Variants in NOS1AP observed in about 807,000 individuals in gnomAD.
NOS1AP encodes the protein nitric oxide synthase 1 adaptor protein.
Under a neutral mutation model 56.2 loss-of-function variants are expected in NOS1AP, and 21 were observed. The observed-to-expected ratio is 0.37, with a 90% confidence interval of 0.26 to 0.54. The LOEUF (loss-of-function observed/expected upper bound fraction) is 0.54. Ranked by LOEUF, NOS1AP falls within the 20% of genes least tolerant of loss-of-function variation. The probability of loss-of-function intolerance (pLI) is 0.84; values close to 1 mark genes in which losing one functional copy is unlikely to be tolerated. For synonymous variants in NOS1AP, 270 were observed against 274.6 expected (o/e 0.98, Z 0.17); for missense variants, 522 against 657.8 (o/e 0.79, Z 2.26).
At chr1:162,280,517 T>C (rs1654889155) in intron 2 of NOS1AP, among the ~76,000 whole-genome samples, 1 of 152,232 alleles carries the variant, frequency 6.6e-6, no homozygotes, top group Admixed American at 6.5e-5. Context: ...CTTTTGGCCG[T>C]ACTTCTGATC....
intron 1 of NOS1AP, among the ~76,000 whole-genome samples, chr1:162,139,922 G>A (rs1282788818): frequency 6.6e-6 from 1 of 151,936 alleles, no homozygotes; most frequent in Non-Finnish European, 1.5e-5. Context: ...CTGCCTCCCT[G>A]GTTCAAGTGA....
intron 3 of NOS1AP, among the ~76,000 whole-genome samples, chr1:162,288,942 A>AGTATT (rs1655173247): frequency 1.3e-5 from 2 of 152,166 alleles, no homozygotes; most frequent in African/African-American, 4.8e-5. Context: ...CAGTCTTTAG[A>AGTATT]GTATTGTCCT....
chr1:162,169,837 T>C (rs1650678107), intron 2 of NOS1AP, among the ~76,000 whole-genome samples: 1 of 152,206 alleles, frequency 6.6e-6, no homozygotes, highest in African/African-American at 2.4e-5. Context: ...TTCCTATGAT[T>C]GCCATGCAGA....
chr1:162,082,348 A>G (rs1691914558), intron 1 of NOS1AP, among the ~76,000 whole-genome samples: 1 of 152,218 alleles, frequency 6.6e-6, no homozygotes, highest in Non-Finnish European at 1.5e-5. Flanking sequence ...ATTGATAGGC[A>G]TGTAGGATGG....
In NOS1AP at chr1:162,324,416, C is replaced by CTTTTTTTTTTTTTTTTTTTT. The variant is rs35946766; in HGVS notation, c.345-8592_345-8573dup. Reference sequence around the variant, plus strand: ...TAGTGGTTTTGTGAGGGACACTAGCCTTTTTTTTTTTTTTTTTTTTTTTTT... The same window carrying CTTTTTTTTTTTTTTTTTTTT: ...TAGTGGTTTTGTGAGGGACACTAGCCTTTTTTTTTTTTTTTTTTTTTTTTTTTTTTTTTTTTTTTTTTTTT... On this transcript the variant is annotated intron_variant, in intron 4 of 9. Coordinates refer to ENST00000361897, the MANE Select transcript of NOS1AP (RefSeq NM_014697.3). Among the ~76,000 whole-genome samples, 3 of 72,148 alleles carry CTTTTTTTTTTTTTTTTTTTT rather than the reference C, an allele frequency of 4.2e-5. 1 individual carries two copies. Among genetic ancestry groups the CTTTTTTTTTTTTTTTTTTTT allele is most frequent in the African/African-American group, 1.5e-4 (3 of 20,250 alleles). 47.3% of individuals were successfully genotyped at this position (72,148 alleles called of 152,430 possible). A position where few individuals can be genotyped will look rare whatever the true frequency, so the allele number is the denominator to read the frequency against.
intron 2 of NOS1AP, among the ~76,000 whole-genome samples, chr1:162,154,944 A>G (rs1046951181): frequency 9.9e-5 from 15 of 152,138 alleles, no homozygotes; most frequent in Non-Finnish European, 1.8e-4. Context: ...ATGAGCCTGT[A>G]TAATGTTTAT....
At chr1:162,280,500 A>G (rs1019647055) in intron 2 of NOS1AP, among the ~76,000 whole-genome samples, 3 of 152,200 alleles carry the variant, frequency 2.0e-5, no homozygotes, top group Non-Finnish European at 4.4e-5. Context: ...ATTTTAAAAA[A>G]CGCCAACTTT....
chr1:162,167,136 C>G (rs549603951), intron 2 of NOS1AP, among the ~76,000 whole-genome samples: 76 of 152,304 alleles, frequency 5.0e-4, no homozygotes, highest in Middle Eastern at 3.4e-3. Context: ...GGCATTTAAC[C>G]GCACGAAGGT....
At chr1:162,239,348 T>C (rs1304525831) in intron 2 of NOS1AP, among the ~76,000 whole-genome samples, 1 of 152,204 alleles carries the variant, frequency 6.6e-6, no homozygotes, top group African/African-American at 2.4e-5. Context: ...TTTTACCAGT[T>C]ATTGGGTGAA....
At chr1:162,118,927 G>A (rs539582022) in intron 1 of NOS1AP, among the ~76,000 whole-genome samples, 3 of 152,196 alleles carry the variant, frequency 2.0e-5, no homozygotes, top group African/African-American at 7.2e-5. Flanking sequence ...AACAGGGAGT[G>A]GAATTTAGCA....
chr1:162,211,031 C>A (rs1324083229), intron 2 of NOS1AP, among the ~76,000 whole-genome samples: 1 of 152,232 alleles, frequency 6.6e-6, no homozygotes, highest in Non-Finnish European at 1.5e-5. Context: ...CCCCACTTCC[C>A]ACCATTGTGT....
intron 2 of NOS1AP, among the ~76,000 whole-genome samples, chr1:162,227,227 C>T (rs1025254158): frequency 5.9e-5 from 9 of 152,066 alleles, no homozygotes; most frequent in African/African-American, 1.2e-4. Context: ...TTTCTATATA[C>T]AAAAACATAA....
intron 2 of NOS1AP, among the ~76,000 whole-genome samples, chr1:162,183,453 G>A (rs1651328874): frequency 6.6e-6 from 1 of 152,150 alleles, no homozygotes; most frequent in African/African-American, 2.4e-5. Flanking sequence ...GCTGTCCTTT[G>A]AAGCTTTGAA....
chr1:162,144,521 A>G (rs1649372015), intron 1 of NOS1AP, among the ~76,000 whole-genome samples: 1 of 152,208 alleles, frequency 6.6e-6, no homozygotes, highest in African/African-American at 2.4e-5. Context: ...TTTAATGATC[A>G]TACAGCCTTT....
chr1:162,239,132 G>C (rs1367892731), intron 2 of NOS1AP, among the ~76,000 whole-genome samples: 3 of 152,130 alleles, frequency 2.0e-5, no homozygotes, highest in Non-Finnish European at 2.9e-5. Flanking sequence ...TTGAGTAATA[G>C]ACCAACTTTT....
chr1:162,155,392 T>TATGG (rs1553190441), intron 2 of NOS1AP, among the ~76,000 whole-genome samples: 1 of 145,970 alleles, frequency 6.9e-6, no homozygotes, highest in South Asian at 2.2e-4. Flanking sequence ...CTTATATATA[T>TATGG]AGAGAGCTCA....
intron 1 of NOS1AP, among the ~76,000 whole-genome samples, chr1:162,131,481 G>A (rs1006873831): frequency 6.6e-6 from 1 of 151,388 alleles, no homozygotes; most frequent in African/African-American, 2.4e-5. Context: ...GAGATATTAG[G>A]GTCTTTATTA....
chr1:162,116,456 C>T (rs1647956638), intron 1 of NOS1AP, among the ~76,000 whole-genome samples: 5 of 152,152 alleles, frequency 3.3e-5, no homozygotes, highest in Admixed American at 3.3e-4. Context: ...ATCCATCATA[C>T]CCAGGGTATT....
intron 1 of NOS1AP, among the ~76,000 whole-genome samples, chr1:162,129,050 G>T (rs1374614828): frequency 6.6e-6 from 1 of 152,058 alleles, no homozygotes; most frequent in Non-Finnish European, 1.5e-5. Context: ...ATACATTGTT[G>T]TATGCTAAAT....
Sources: allele counts gnomAD v4.1 joint callset (sites outside exome capture counted in the v4.1 genomes callset), GRCh38; gene constraint gnomAD v4.1.1; transcripts MANE v1.5; gene names NCBI Gene and HGNC (gene_info 2026-07-23, HGNC 2026-07-21).